UPF2: variants seen among roughly 807,000 people sequenced by gnomAD.
UPF2 encodes the protein UPF2 regulator of nonsense mediated mRNA decay, also known as regulator of nonsense transcripts 2.
A neutral mutation model predicts 141.4 loss-of-function variants in UPF2; 17 were observed. The observed-to-expected ratio is 0.12, with a 90% CI of 0.08 to 0.18. The LOEUF (loss-of-function observed/expected upper bound fraction) is 0.18, where lower values mean the gene tolerates loss of function less well. Ranked by LOEUF, UPF2 falls within the 10% of genes least tolerant of loss-of-function variation. The probability of loss-of-function intolerance (pLI) is 1.00; values close to 1 mark genes in which losing one functional copy is unlikely to be tolerated. For missense variants in UPF2, 1,152 were observed against 1,515.9 expected (o/e 0.76, Z 3.99); for synonymous variants, 540 against 498.0 (o/e 1.08, Z -1.12).
chr10:11,985,192 C>T (rs1833667069), intron 8 of UPF2, among the ~76,000 whole-genome samples: 1 of 152,186 alleles, frequency 6.6e-6, no homozygotes, highest in Admixed American at 6.5e-5. Flanking sequence ...GAATCCTCTA[C>T]CCCTATAAAA....
chr10:11,990,463 G>A (rs1833760032), intron 8 of UPF2, among the ~76,000 whole-genome samples: 1 of 152,218 alleles, frequency 6.6e-6, no homozygotes, highest in East Asian at 1.9e-4. Flanking sequence ...GGTGGATCAC[G>A]AGGTCAGGCG....
chr10:12,001,071 T>A (rs139276054), intron 6 of UPF2, among the ~76,000 whole-genome samples: 2,980 of 152,224 alleles, frequency 0.02, 74 homozygotes, highest in Admixed American at 0.065. Flanking sequence ...CTCAGAAAAG[T>A]GTAAGTATCT....
Position 11,936,602 on chromosome 10 carries a change from A to C in UPF2, c.3489T>G (p.Ala1163=). Residue 1163 remains alanine, a synonymous_variant, in exon 19 of 22, where the codon GCT becomes GCG. Transcript: ENST00000357604. The surrounding 1 kb of genome is among the most constrained non-coding windows in gnomAD (Gnocchi z 6.6). ...CAAACGGCATTGTGTCTGCAGACTCAGCCTCTCCTTCCCCACCTCCCAGTG... is the reference window on the plus strand; with the variant it reads ...CAAACGGCATTGTGTCTGCAGACTCCGCCTCTCCTTCCCCACCTCCCAGTG... ...GPPLGGGEGE[A]ESADTMPFVM... is the part of the protein sequence containing the mutation. The C allele has an allele frequency of 6.2e-7, 1 of 1,613,060 alleles. No homozygotes were observed. Among genetic ancestry groups the C allele is most frequent in the Middle Eastern group, 1.7e-4 (1 of 6,054 alleles).
In UPF2 at chr10:11,931,630, T is replaced by C. The variant is rs1391292735; in HGVS notation, c.3688+11A>G. On this transcript the variant is annotated intron_variant, in intron 20 of 21. Transcript: ENST00000357604. The surrounding 1 kb of genome is among the most constrained non-coding windows in gnomAD (Gnocchi z 5.9). ...CAAAAATTTCCACTTCTCTTATAGATGATTTTATACCTTGATAATCTTCTT... is the reference window on the plus strand; with the variant it reads ...CAAAAATTTCCACTTCTCTTATAGACGATTTTATACCTTGATAATCTTCTT... The C allele has an allele frequency of 1.9e-6, 3 of 1,580,860 alleles. No individual in the cohort carries two copies. Among genetic ancestry groups the C allele is most frequent in the Non-Finnish European group, 2.6e-6 (3 of 1,168,900 alleles).
intron 2 of UPF2, 102 bp downstream of exon 2, chr10:12,034,957 A>C (rs1462205775): frequency 5.4e-6 from 8 of 1,470,246 alleles, no homozygotes; most frequent in Non-Finnish European, 6.3e-6. Flanking sequence ...CCAATTCTTA[A>C]AGAGCTGCAC....
chr10:11,958,935 T>C (rs1833197489), intron 12 of UPF2, among the ~76,000 whole-genome samples: 2 of 152,166 alleles, frequency 1.3e-5, no homozygotes, highest in African/African-American at 4.8e-5. Flanking sequence ...ATACATAAAA[T>C]CAAAATTTAC....
Position 12,029,544 on chromosome 10 carries a change from T to A in UPF2, c.366-20A>T. 9 of 1,554,664 alleles carry A rather than the reference T, an allele frequency of 5.8e-6. No homozygotes were observed. Among genetic ancestry groups the A allele is most frequent in the Non-Finnish European group, 7.8e-6 (9 of 1,156,390 alleles). ...TTTTCTCTATATAAAAACAAACAAA[T>A]AAATAAAATACTCTCTACATTTTGA... On this transcript the variant is annotated intron_variant, in intron 2 of 21. Transcript: ENST00000357604.
chr10:11,924,115 A>G lies in UPF2; in HGVS notation c.3810-2808T>C, dbSNP rs1337530466. Among the ~76,000 whole-genome samples, 6 of 152,370 alleles carry G rather than the reference A, an allele frequency of 3.9e-5. No homozygotes were observed. In the East Asian group the frequency reaches 9.6e-4, roughly 24 times the overall value. On this transcript the variant is annotated intron_variant, in intron 21 of 21. Coordinates refer to ENST00000357604, the MANE Select transcript of UPF2 (RefSeq NM_015542.4). Reference sequence around the variant, plus strand: ...TGTTCTGCAATACAGAAAACCCTACATAATAGTTTTACTTACAGCACTGCT... The same window carrying G: ...TGTTCTGCAATACAGAAAACCCTACGTAATAGTTTTACTTACAGCACTGCT...
rs181757689 is a variant in UPF2, at chr10:12,031,185, A to C, written c.366-1661T>G. On this transcript the variant is annotated intron_variant, in intron 2 of 21. Transcript: ENST00000357604. ...CAAGACTCCATCTCAAAAAAAAAAA[A>C]AAAAACAAAACAGTTTTGCAATGTT... 9.2e-5 allele frequency among the ~76,000 whole-genome samples: 14 copies of C among 151,704 alleles called. No individual in the cohort carries two copies. The East Asian group carries it at 2.3e-3, about 25-fold the overall frequency.
chr10:11,956,403 A>G lies in UPF2; in HGVS notation c.2491T>C (p.Leu831=). The G allele has an allele frequency of 6.2e-7, 1 of 1,614,192 alleles. No individual in the cohort carries two copies. The highest frequency in any genetic ancestry group is 1.1e-5 in the South Asian group (1 of 91,090). The change falls in exon 13 of 22, where the codon TTA becomes CTA. Residue 831 remains leucine, a synonymous_variant. Coordinates refer to ENST00000357604, the MANE Select transcript of UPF2 (RefSeq NM_015542.4). The surrounding 1 kb of genome is among the most constrained non-coding windows in gnomAD (Gnocchi z 4.2). ...YNSIHCVANL[L]AGLVLYQEDV... ...TCTTGGTAGAGCACTAGTCCTGCTA[A>G]GAGGTTGGCTACACAATGAATACTA...
chr10:11,933,425 T>A (rs1402511787), intron 19 of UPF2, among the ~76,000 whole-genome samples: 1 of 152,200 alleles, frequency 6.6e-6, no homozygotes, highest in Non-Finnish European at 1.5e-5. Flanking sequence ...AATAACCAAG[T>A]ACTCTGAGTT....
intron 5 of UPF2, 96 bp from the exon 6 acceptor site, chr10:12,001,921 T>A: frequency 6.0e-6 from 7 of 1,157,656 alleles, no homozygotes; most frequent in Non-Finnish European, 7.0e-6. Context: ...GCAGGTTCTT[T>A]TAGAAGCTGC....
chr10:11,954,641 A>T (rs1374754527), intron 14 of UPF2, among the ~76,000 whole-genome samples: 2 of 37,202 alleles, frequency 5.4e-5, no homozygotes, highest in African/African-American at 1.1e-4. Flanking sequence ...CTCAAAAAAA[A>T]AAATATATAT....
intron 8 of UPF2, among the ~76,000 whole-genome samples, chr10:11,984,602 C>A (rs963807277): frequency 1.3e-5 from 2 of 151,676 alleles, no homozygotes; most frequent in Non-Finnish European, 2.9e-5. Context: ...AGTCTAAGAT[C>A]GTTTCACTTT....
chr10:11,961,606 G>C (rs1833242932), intron 11 of UPF2, among the ~76,000 whole-genome samples: 1 of 152,110 alleles, frequency 6.6e-6, no homozygotes, highest in Non-Finnish European at 1.5e-5. Flanking sequence ...GCTTCAAGCG[G>C]TGTTGTGGAC....
chr10:11,957,312 C>T (rs1284012720), intron 12 of UPF2, among the ~76,000 whole-genome samples: 1 of 151,718 alleles, frequency 6.6e-6, no homozygotes, highest in African/African-American at 2.4e-5. Context: ...AACTGCAATC[C>T]CAGCTACTAG....
chr10:11,987,170 T>C (rs1833705741), intron 8 of UPF2, among the ~76,000 whole-genome samples: 1 of 152,188 alleles, frequency 6.6e-6, no homozygotes, highest in Non-Finnish European at 1.5e-5. Flanking sequence ...CACATATGTA[T>C]ACTTTAGATA....
In UPF2 at chr10:12,014,230, G is replaced by T; in HGVS notation, c.1146-46C>A. 7.6e-7 allele frequency: 1 copy of T among 1,322,872 alleles called. No individual in the cohort carries two copies. Among genetic ancestry groups the T allele is most frequent in the Non-Finnish European group, 9.7e-7 (1 of 1,025,684 alleles). The allele number at this position is 1,322,872 out of a possible 1,614,324, so 81.9% of individuals were successfully genotyped here. A position where few individuals can be genotyped will look rare whatever the true frequency, so the allele number is the denominator to read the frequency against. On this transcript the variant is annotated intron_variant, in intron 3 of 21. Coordinates refer to ENST00000357604, the MANE Select transcript of UPF2 (RefSeq NM_015542.4). This position sits in a 1 kb window ranked among gnomAD's most constrained non-coding sequence, Gnocchi z 5.0. The stretch of plus-strand genomic sequence containing the variant: ...CTGACAGTCTTATCAAAATAGATGT[G>T]ATCACAAATTGTTATATATGGGAAA...
At position 12,012,484 on chromosome 10, in the gene UPF2, CATTTAAAA is replaced by C. The variant is rs1051650272; in HGVS notation, c.1306+1532_1306+1539del. Among the ~76,000 whole-genome samples the C allele has an allele frequency of 7.9e-5, 12 of 152,214 alleles. No homozygotes were observed. The East Asian group carries it at 2.3e-3, about 29-fold the overall frequency. ...ATTCTATGATGAAACTTTTTTAAAACATTTAAAAAGTTTGGCCAGGCACAGTGGCTCAC... is the reference window on the plus strand; with the variant it reads ...ATTCTATGATGAAACTTTTTTAAAACAGTTTGGCCAGGCACAGTGGCTCAC... On this transcript the variant is annotated intron_variant, in intron 4 of 21. Transcript: ENST00000357604.
Sources: gnomAD v4.1 joint callset for allele counts (sites outside exome capture counted in the v4.1 genomes callset) on GRCh38, gnomAD v4.1.1 for gene constraint, Gnocchi (gnomAD v3.1) non-coding constraint, MANE v1.5 for transcripts, NCBI Gene and HGNC (gene_info 2026-07-23, HGNC 2026-07-21) for gene names.